RB1CC1: variants seen among roughly 807,000 people sequenced by gnomAD.
RB1CC1 encodes the protein RB1 inducible coiled-coil 1.
Under a neutral mutation model 177.5 loss-of-function variants are expected in RB1CC1, and 46 were observed. The ratio of observed to expected loss-of-function variants is 0.26; its 90% CI spans 0.20 to 0.33. The LOEUF (loss-of-function observed/expected upper bound fraction) is 0.33, where lower values mean the gene tolerates loss of function less well. Among genes scored for constraint, RB1CC1 ranks in the 10% least tolerant of loss-of-function variants. RB1CC1 has a pLI of 1.00. For missense variants in RB1CC1, 1,703 were observed against 1,816.3 expected, an observed-to-expected ratio of 0.94 and a Z score of 1.13; for synonymous variants, 666 against 613.6, an observed-to-expected ratio of 1.09 and a Z score of -1.26.
At position 52,700,785 on chromosome 8, in the gene RB1CC1, A is replaced by G. The variant is rs185239907; in HGVS notation, c.-167+13290T>C. 3.3e-5 allele frequency among the ~76,000 whole-genome samples: 5 copies of G among 152,356 alleles called. No individual in the cohort carries two copies. The East Asian group carries it at 9.7e-4, about 29-fold the overall frequency. On this transcript the variant is annotated intron_variant, in intron 1 of 23. Coordinates refer to ENST00000025008, the MANE Select transcript of RB1CC1 (RefSeq NM_014781.5). ...AAATTACAGTTTCCTATAAGTAAAC[A>G]TGTATACACAAAAACAAATTGCACC...
chr8:52,635,791 G>T (rs911814182), intron 19 of RB1CC1, among the ~76,000 whole-genome samples: 1 of 152,014 alleles, frequency 6.6e-6, no homozygotes, highest in African/African-American at 2.4e-5. Context: ...TTCATTCATT[G>T]GGAAATTACA....
intron 11 of RB1CC1, 56 bp downstream of exon 11, chr8:52,660,870 C>T (rs1851554265): frequency 6.9e-7 from 1 of 1,447,984 alleles, no homozygotes; most frequent in African/African-American, 1.4e-5. Context: ...AAAATCCAAG[C>T]TTATAAAAAC....
intron 8 of RB1CC1, among the ~76,000 whole-genome samples, chr8:52,665,413 A>G (rs1851982528): frequency 6.6e-6 from 1 of 152,214 alleles, no homozygotes; most frequent in Admixed American, 6.5e-5. Flanking sequence ...AATATTTAAA[A>G]TGAACAAAGA....
At chr8:52,675,713 C>A (rs7341603) in intron 6 of RB1CC1, among the ~76,000 whole-genome samples, 90,424 of 103,842 alleles carry the variant, frequency 0.87, 38,862 homozygotes, top group East Asian at 0.98. Context: ...TACTAAAAAT[C>A]CAAAAAAAAA....
intron 1 of RB1CC1, among the ~76,000 whole-genome samples, chr8:52,695,578 G>C (rs111707541): frequency 1.7e-4 from 26 of 152,302 alleles, no homozygotes; most frequent in East Asian, 7.7e-4. Context: ...GACTAAAGGT[G>C]AGTCATGTGG....
In RB1CC1 at chr8:52,660,945, T is replaced by C. The variant is rs762995827; in HGVS notation, c.1608A>G (p.Glu536=). 1 of 1,612,060 alleles carries C rather than the reference T, an allele frequency of 6.2e-7. No individual in the cohort carries two copies. Among genetic ancestry groups the C allele is most frequent in the Non-Finnish European group, 8.5e-7 (1 of 1,178,620 alleles). ...ACTTACTAAATAATTTCCCAAAGGA[T>C]TCCCTTTTTGATTTTTCTGCTTCAT... is the stretch of plus-strand genomic sequence containing the variant. The part of the protein sequence containing the change: ...RLYEAEKSKR[E]SFGKLFRKSF... The change falls in exon 11 of 24, where the codon GAA becomes GAG. Residue 536 remains glutamate, a synonymous_variant. Transcript: ENST00000025008.
chr8:52,631,413 T>C (rs940372075), intron 20 of RB1CC1, among the ~76,000 whole-genome samples: 1 of 152,024 alleles, frequency 6.6e-6, no homozygotes, highest in African/African-American at 2.4e-5. Flanking sequence ...AGGTTAGAAG[T>C]ATAATGCAGC....
In RB1CC1 at chr8:52,668,012, A is replaced by T. The variant is rs1193876854; in HGVS notation, c.1173+9T>A. On this transcript the variant is annotated intron_variant, in intron 8 of 23. Transcript: ENST00000025008. Reference sequence around the variant, plus strand: ...ATTCCTTTTCCTGAGAAAAGTCTAAAATAGGTACCTGAGCAAGCTCTTTCT... The same window carrying T: ...ATTCCTTTTCCTGAGAAAAGTCTAATATAGGTACCTGAGCAAGCTCTTTCT... 1.2e-6 allele frequency: 2 copies of T among 1,603,970 alleles called. No individual in the cohort carries two copies. The highest frequency in any genetic ancestry group is 2.2e-5 in the South Asian group (2 of 89,454).
chr8:52,630,575 C>T, intron 20 of RB1CC1, 47 bp from the exon 21 acceptor site: 1 of 1,514,760 alleles, frequency 6.6e-7, no homozygotes, highest in Non-Finnish European at 8.8e-7. Context: ...TTGAGTACCA[C>T]ATGCATTCTT....
chr8:52,655,967 A>G lies in RB1CC1; in HGVS notation c.3821+41T>C, dbSNP rs201767802. ...GTGATTACACACAAACGAATCACTG[A>G]TATTTTAATTTTATAATTACAGACT... is the stretch of plus-strand genomic sequence containing the variant. On this transcript the variant is annotated intron_variant, in intron 15 of 23. Coordinates refer to ENST00000025008, the MANE Select transcript of RB1CC1 (RefSeq NM_014781.5). 1.8e-4 allele frequency: 258 copies of G among 1,433,050 alleles called. No homozygotes were observed. The African/African-American group carries it at 3.4e-3, about 19-fold the overall frequency. The allele number at this position is 1,433,050 out of a possible 1,614,324, so 88.8% of individuals were successfully genotyped here.
chr8:52,644,025 C>A (rs1326961478), intron 16 of RB1CC1, among the ~76,000 whole-genome samples: 1 of 151,822 alleles, frequency 6.6e-6, no homozygotes, highest in Non-Finnish European at 1.5e-5. Context: ...TTGTATTAAG[C>A]CATCTCTATG....
At chr8:52,700,951 A>G (rs1855991688) in intron 1 of RB1CC1, among the ~76,000 whole-genome samples, 1 of 152,212 alleles carries the variant, frequency 6.6e-6, no homozygotes, top group Non-Finnish European at 1.5e-5. Context: ...CTGTCACTGC[A>G]TTAAGAGGGA....
chr8:52,704,235 T>G (rs1466327094), intron 1 of RB1CC1, among the ~76,000 whole-genome samples: 1 of 152,164 alleles, frequency 6.6e-6, no homozygotes, highest in Non-Finnish European at 1.5e-5. Flanking sequence ...TACACTAGAT[T>G]ATTCTTCTGA....
At chr8:52,711,273 T>C (rs1449310875) in intron 1 of RB1CC1, among the ~76,000 whole-genome samples, 1 of 152,156 alleles carries the variant, frequency 6.6e-6, no homozygotes. Context: ...TACAAAGGGA[T>C]AGAAAGAAAT....
chr8:52,711,990 A>G (rs1857097882), intron 1 of RB1CC1, among the ~76,000 whole-genome samples: 1 of 152,206 alleles, frequency 6.6e-6, no homozygotes, highest in Non-Finnish European at 1.5e-5. Flanking sequence ...ACCTGAGGTC[A>G]GGAGTTCAAG....
At chr8:52,654,690 T>C (rs1249286990) in intron 15 of RB1CC1, among the ~76,000 whole-genome samples, 1 of 152,222 alleles carries the variant, frequency 6.6e-6, no homozygotes, top group Non-Finnish European at 1.5e-5. Context: ...TTCTTGGGCC[T>C]ACGCTGTCCA....
intron 1 of RB1CC1, among the ~76,000 whole-genome samples, chr8:52,701,247 C>G (rs964956108): frequency 6.6e-6 from 1 of 152,042 alleles, no homozygotes; most frequent in Admixed American, 6.6e-5. Context: ...TTCAGCCTCC[C>G]GAGCAGCTTT....
intron 8 of RB1CC1, 126 bp from the exon 9 acceptor site, chr8:52,661,845 T>C (rs1851661362): frequency 1.5e-5 from 10 of 672,178 alleles, no homozygotes; most frequent in Non-Finnish European, 2.2e-5. Context: ...TATTTTTAAA[T>C]CCTCTATTTT....
At chr8:52,691,285 A>T (rs1364448349) in intron 1 of RB1CC1, among the ~76,000 whole-genome samples, 1 of 152,216 alleles carries the variant, frequency 6.6e-6, no homozygotes, top group Non-Finnish European at 1.5e-5. Flanking sequence ...TACTTAAAGC[A>T]AATTGAGGGA....
Sources: allele counts gnomAD v4.1 joint callset (sites outside exome capture counted in the v4.1 genomes callset), GRCh38; gene constraint gnomAD v4.1.1; transcripts MANE v1.5; gene names NCBI Gene and HGNC (gene_info 2026-07-23, HGNC 2026-07-21).